The following TXNRD1 variants were observed in gnomAD, a reference collection of about 807,000 sequenced individuals.
TXNRD1 encodes thioredoxin reductase 1.
A neutral mutation model predicts 80.3 loss-of-function variants in TXNRD1; 57 were observed. The ratio of observed to expected loss-of-function variants is 0.71; its 90% confidence interval spans 0.57 to 0.89. The LOEUF is 0.89. TXNRD1 is among the 40% of genes least tolerant of loss of function. The probability of loss-of-function intolerance (pLI) is 0.00; values close to 1 mark genes in which losing one functional copy is unlikely to be tolerated. For missense variants in TXNRD1, 730 were observed against 803.0 expected (o/e 0.91, Z 1.10); for synonymous variants, 291 against 285.2 (o/e 1.02, Z -0.20).
intron 3 of TXNRD1, among the ~76,000 whole-genome samples, chr12:104,285,407 G>T (rs1344799213): frequency 2.0e-5 from 3 of 152,120 alleles, no homozygotes; most frequent in East Asian, 1.9e-4. Context: ...TAACTACATG[G>T]TGCTACTCTG....
At chr12:104,265,556 G>A (rs1235287497) in intron 3 of TXNRD1, 2 of 1,608,662 alleles carry the variant, frequency 1.2e-6, no homozygotes, top group Non-Finnish European at 1.7e-6. Context: ...ATCTGGCTGC[G>A]CTATGACTCC....
At chr12:104,244,849 G>A (rs1054847301) in intron 1 of TXNRD1, among the ~76,000 whole-genome samples, 1 of 152,254 alleles carries the variant, frequency 6.6e-6, no homozygotes, top group African/African-American at 2.4e-5. Flanking sequence ...GGTGTAGGCT[G>A]TAGAGCAGGG....
At chr12:104,269,960 G>A (rs138282236) in intron 3 of TXNRD1, among the ~76,000 whole-genome samples, 26 of 151,974 alleles carry the variant, frequency 1.7e-4, no homozygotes, top group Admixed American at 4.6e-4. Context: ...GCAATCCTAC[G>A]TTGGCCTCCC....
chr12:104,318,242 C>G (rs2035400922), intron 7 of TXNRD1, among the ~76,000 whole-genome samples: 1 of 152,120 alleles, frequency 6.6e-6, no homozygotes, highest in Non-Finnish European at 1.5e-5. Context: ...AAAAAGTTTT[C>G]TCTTTGATAA....
At chr12:104,325,600 G>A (rs1004173193) in intron 11 of TXNRD1, among the ~76,000 whole-genome samples, 171 bp downstream of exon 11, 3 of 152,174 alleles carry the variant, frequency 2.0e-5, no homozygotes, top group Non-Finnish European at 2.9e-5. Context: ...GTGGCCAGGT[G>A]TGTTAGCTCA....
At position 104,349,311 on chromosome 12, in the gene TXNRD1, G is replaced by C. The variant is rs1349794923; in HGVS notation, c.*890G>C. The stretch of plus-strand genomic sequence containing the variant: ...TGGAAAACACGTAACTTGTTTAAAA[G>C]TTTTTCTGGTAGCTTTAGCTTTATG... On this transcript the variant is annotated 3_prime_UTR_variant, in exon 17 of 17. Coordinates refer to ENST00000525566, the MANE Select transcript of TXNRD1 (RefSeq NM_001093771.3). 3 of 152,186 alleles carry C rather than the reference G, an allele frequency of 2.0e-5. No homozygotes were observed. Among genetic ancestry groups the C allele is most frequent in the Admixed American group, 2.0e-4 (3 of 15,274 alleles). The allele number at this position is 152,186 out of a possible 1,614,324, so 9.4% of individuals were successfully genotyped here. A position where few individuals can be genotyped will look rare whatever the true frequency, so the allele number is the denominator to read the frequency against.
chr12:104,227,599 T>C (rs2135679863), intron 1 of TXNRD1, among the ~76,000 whole-genome samples: 1 of 152,280 alleles, frequency 6.6e-6, no homozygotes, highest in East Asian at 1.9e-4. Context: ...TTAACATATG[T>C]ATACATGATC....
At chr12:104,308,695 A>G (rs1388548753) in intron 4 of TXNRD1, among the ~76,000 whole-genome samples, 1 of 152,106 alleles carries the variant, frequency 6.6e-6, no homozygotes, top group African/African-American at 2.4e-5. Flanking sequence ...GTCAGCGGAC[A>G]TAATTTCAAG....
At chr12:104,307,451 G>C (rs1370661948) in intron 4 of TXNRD1, among the ~76,000 whole-genome samples, 4 of 152,184 alleles carry the variant, frequency 2.6e-5, no homozygotes, top group Admixed American at 2.6e-4. Context: ...GTAACTTAAA[G>C]GGATTAATTC....
chr12:104,218,935 A>G (rs1225173996), intron 1 of TXNRD1, among the ~76,000 whole-genome samples: 1 of 151,976 alleles, frequency 6.6e-6, no homozygotes, highest in Non-Finnish European at 1.5e-5. Context: ...ACATACATAT[A>G]TACATAATGA....
At chr12:104,329,781 A>G (rs1426624939) in intron 13 of TXNRD1, among the ~76,000 whole-genome samples, 2 of 152,184 alleles carry the variant, frequency 1.3e-5, no homozygotes, top group African/African-American at 2.4e-5. Context: ...GTGCAATTCC[A>G]TCCTTTCTGG....
In TXNRD1 at chr12:104,316,546, C is replaced by T. The variant is rs573005958; in HGVS notation, c.730+650C>T. 7.4e-4 allele frequency among the ~76,000 whole-genome samples: 112 copies of T among 152,232 alleles called. 2 individuals are homozygous for T. The highest frequency in any genetic ancestry group is 2.4e-3 in the African/African-American group (99 of 41,550). ...CTGGGATTACGGGCGCCTGCCACCA[C>T]GCCTGGCTAATTTTTTGCATTTTTA... On this transcript the variant is annotated intron_variant, in intron 7 of 16. Coordinates refer to ENST00000525566, the MANE Select transcript of TXNRD1 (RefSeq NM_001093771.3).
chr12:104,303,955 G>T, intron 4 of TXNRD1: 7 of 1,600,562 alleles, frequency 4.4e-6, no homozygotes, highest in African/African-American at 1.3e-5. Flanking sequence ...ATGTGTCAGT[G>T]AGGGCCGCGG....
At chr12:104,344,379 G>A (rs945010247) in intron 16 of TXNRD1, among the ~76,000 whole-genome samples, 1 of 151,634 alleles carries the variant, frequency 6.6e-6, no homozygotes, top group African/African-American at 2.4e-5. Context: ...TTAAACCCTG[G>A]TTGTGAACTA....
At chr12:104,266,866 G>T (rs1020430183) in intron 3 of TXNRD1, among the ~76,000 whole-genome samples, 1 of 152,248 alleles carries the variant, frequency 6.6e-6, no homozygotes, top group Admixed American at 6.5e-5. Flanking sequence ...GGAGGTTGAG[G>T]CAGGAGAATG....
chr12:104,221,592 A>G (rs2135674051), intron 1 of TXNRD1, among the ~76,000 whole-genome samples: 1 of 152,304 alleles, frequency 6.6e-6, no homozygotes, highest in African/African-American at 2.4e-5. Flanking sequence ...TGCTGAGATT[A>G]TAGGCATGAG....
chr12:104,308,086 C>T (rs1254447337), intron 4 of TXNRD1, among the ~76,000 whole-genome samples: 3 of 151,850 alleles, frequency 2.0e-5, no homozygotes, highest in Non-Finnish European at 4.4e-5. Context: ...AGCTCCGCCT[C>T]CCGGGTTCAC....
intron 1 of TXNRD1, among the ~76,000 whole-genome samples, chr12:104,249,306 C>T (rs951083900): frequency 1.3e-5 from 2 of 152,272 alleles, no homozygotes; most frequent in African/African-American, 2.4e-5. Context: ...TCCTAATCAC[C>T]TCCCAAAGGC....
intron 2 of TXNRD1, among the ~76,000 whole-genome samples, chr12:104,254,831 G>T (rs898626128): frequency 2.0e-5 from 3 of 151,048 alleles, no homozygotes; most frequent in Non-Finnish European, 4.4e-5. Context: ...ACATATGGGC[G>T]CAGTGGCTCA....
Sources: allele counts gnomAD v4.1 joint callset (sites outside exome capture counted in the v4.1 genomes callset), GRCh38; gene constraint gnomAD v4.1.1; transcripts MANE v1.5; gene names NCBI Gene and HGNC (gene_info 2026-07-23, HGNC 2026-07-21).